Variants in ESRRG observed in about 807,000 individuals in gnomAD.
ESRRG encodes estrogen-related receptor gamma.
ESRRG carries 13 observed loss-of-function variants against 44.0 expected under a neutral mutation model. That is an observed-to-expected ratio of 0.30 (90% CI 0.19 to 0.47). ESRRG has a LOEUF of 0.47. Among genes scored for constraint, ESRRG ranks in the 20% least tolerant of loss-of-function variants. The pLI is 1.00. For missense variants in ESRRG, 395 were observed against 580.6 expected (o/e 0.68, Z 3.29); for synonymous variants, 215 against 214.6 (o/e 1.00, Z -0.02).
intron 2 of ESRRG, among the ~76,000 whole-genome samples, chr1:216,924,768 G>A (rs1560131370): frequency 1.3e-5 from 2 of 152,132 alleles, no homozygotes; most frequent in Non-Finnish European, 2.9e-5. Context: ...TTTATGACAG[G>A]GTGGAAATGT....
rs532220463 is a variant in ESRRG, at chr1:216,512,197, A to G, written c.1133-5014T>C. ...AAAGAGACAGAAACAAACATTATGTATCTTGCAATGAACAATACATCACTT... is the reference window on the plus strand; with the variant it reads ...AAAGAGACAGAAACAAACATTATGTGTCTTGCAATGAACAATACATCACTT... On this transcript the variant is annotated intron_variant, in intron 6 of 6. Transcript: ENST00000408911. Among the ~76,000 whole-genome samples, 6 of 152,352 alleles carry G rather than the reference A, an allele frequency of 3.9e-5. No homozygotes were observed. In the East Asian group the frequency reaches 1.2e-3, roughly 29 times the overall value.
At chr1:216,846,285 G>C (rs1577186470) in intron 2 of ESRRG, among the ~76,000 whole-genome samples, 1 of 152,022 alleles carries the variant, frequency 6.6e-6, no homozygotes, top group African/African-American at 2.4e-5. Flanking sequence ...TTTCACTATA[G>C]GGATTTATTG....
chr1:216,552,212 T>C (rs1279599322), intron 5 of ESRRG, among the ~76,000 whole-genome samples: 1 of 152,178 alleles, frequency 6.6e-6, no homozygotes, highest in Non-Finnish European at 1.5e-5. Flanking sequence ...TATATCTATA[T>C]ATATAAAATG....
At position 216,630,474 on chromosome 1, in the gene ESRRG, AC is replaced by A. The variant is rs200579029; in HGVS notation, c.589+20498del. Among the ~76,000 whole-genome samples, 1,309 of 147,150 alleles carry A rather than the reference AC, an allele frequency of 8.9e-3. 24 individuals carry two copies. Among genetic ancestry groups the A allele is most frequent in the African/African-American group, 0.031 (1,247 of 40,398 alleles). ...CACACACACACACACACACACACAC[AC>A]AATTAAATCTTATAGGAAAAGGCGT... On this transcript the variant is annotated intron_variant, in intron 3 of 6. Coordinates refer to ENST00000408911, the MANE Select transcript of ESRRG (RefSeq NM_001438.4).
intron 3 of ESRRG, among the ~76,000 whole-genome samples, chr1:216,647,399 T>C (rs375411851): frequency 6.6e-6 from 1 of 152,196 alleles, no homozygotes. Context: ...AATTATCATT[T>C]GTTTTACTGT....
intron 3 of ESRRG, among the ~76,000 whole-genome samples, chr1:216,627,468 A>G (rs956501715): frequency 6.6e-6 from 1 of 152,116 alleles, no homozygotes; most frequent in African/African-American, 2.4e-5. Context: ...TGCTCCATCT[A>G]GTGGAATGCT....
chr1:216,904,204 A>AC (rs35823149), intron 2 of ESRRG, among the ~76,000 whole-genome samples: 71,829 of 150,236 alleles, frequency 0.48, 17,993 homozygotes, highest in East Asian at 0.66. Flanking sequence ...TGCAATCATC[A>AC]CCCCCCCCAA....
intron 5 of ESRRG, among the ~76,000 whole-genome samples, chr1:216,549,029 AG>A (rs1391554514): frequency 6.6e-6 from 1 of 152,186 alleles, no homozygotes. Flanking sequence ...TTAACTGTAT[AG>A]AACATGACAA....
At chr1:216,715,069 C>T (rs748213784) in intron 1 of ESRRG, 111 of 985,212 alleles carry the variant, frequency 1.1e-4, no homozygotes, top group Non-Finnish European at 1.3e-4. Context: ...GCCACATGCT[C>T]CCACCTGAGC....
chr1:216,763,235 T>G (rs2092894843), intron 2 of ESRRG, among the ~76,000 whole-genome samples: 1 of 151,364 alleles, frequency 6.6e-6, no homozygotes, highest in African/African-American at 2.4e-5. Context: ...AATAAAAGTG[T>G]CTGGAGTGTA....
chr1:217,103,666 AATT>A (rs2092552277), intron 1 of ESRRG, among the ~76,000 whole-genome samples: 8 of 7,546 alleles, frequency 1.1e-3, no homozygotes, highest in Non-Finnish European at 5.0e-3. Flanking sequence ...TCCAAAAAAT[AATT>A]AATTAATTAA....
rs111945093 is a variant in ESRRG, at chr1:217,134,618, C to T, written c.-230+3049G>A. On this transcript the variant is annotated intron_variant, in intron 1 of 8. Coordinates refer to the ESRRG transcript ENST00000366940. ...TCAGGCGGGAAAGGGCACTTTGACC[C>T]GCCGTGCGCGAGTTTCCAGCCAGCC... Among the ~76,000 whole-genome samples, 862 of 152,338 alleles carry T rather than the reference C, an allele frequency of 5.7e-3. 6 individuals are homozygous for T. Among genetic ancestry groups the T allele is most frequent in the Admixed American group, 7.7e-3 (118 of 15,308 alleles).
intron 3 of ESRRG, among the ~76,000 whole-genome samples, chr1:216,638,106 A>C (rs1344886632): frequency 6.6e-6 from 1 of 152,160 alleles, no homozygotes; most frequent in Non-Finnish European, 1.5e-5. Context: ...TCCTGTTCTC[A>C]AGTTGTTTAT....
chr1:216,585,701 C>A (rs72737313), intron 3 of ESRRG, among the ~76,000 whole-genome samples: 22,442 of 152,072 alleles, frequency 0.15, 2,142 homozygotes, highest in Non-Finnish European at 0.21. Flanking sequence ...CCAATCAAAT[C>A]ATATAAATTT....
intron 2 of ESRRG, among the ~76,000 whole-genome samples, chr1:216,856,337 T>C (rs1049780325): frequency 6.8e-6 from 1 of 146,180 alleles, no homozygotes; most frequent in Non-Finnish European, 1.5e-5. Flanking sequence ...TATGTCTGTC[T>C]CTGCTTCTCT....
intron 2 of ESRRG, among the ~76,000 whole-genome samples, chr1:216,858,756 G>A (rs79245082): frequency 0.012 from 1,801 of 152,272 alleles, 35 homozygotes; most frequent in African/African-American, 0.041. Flanking sequence ...TTGAATCACA[G>A]TACTGATCAC....
At chr1:216,929,654 C>T (rs1010031317) in intron 2 of ESRRG, among the ~76,000 whole-genome samples, 1 of 152,048 alleles carries the variant, frequency 6.6e-6, no homozygotes, top group African/African-American at 2.4e-5. Context: ...GGTGGTTTGG[C>T]TTTGCAGGAG....
intron 1 of ESRRG, among the ~76,000 whole-genome samples, chr1:217,087,829 G>A (rs903965727): frequency 6.6e-6 from 1 of 152,132 alleles, no homozygotes; most frequent in African/African-American, 2.4e-5. Context: ...TGATCATCCA[G>A]GCCTGCTTCC....
At chr1:216,567,863 A>G in intron 4 of ESRRG, 125 bp downstream of exon 4, 1 of 631,116 alleles carries the variant, frequency 1.6e-6, no homozygotes, top group South Asian at 1.9e-5. Context: ...GAATAGAGCC[A>G]CTGTTCTCCA....
Sources: allele counts gnomAD v4.1 joint callset (sites outside exome capture counted in the v4.1 genomes callset), GRCh38; gene constraint gnomAD v4.1.1; transcripts MANE v1.5; gene names NCBI Gene and HGNC (gene_info 2026-07-23, HGNC 2026-07-21).